Variants in ASS1 observed in about 807,000 individuals in gnomAD.
ASS1 encodes argininosuccinate synthase.
ASS1 carries 58 observed loss-of-function variants against 60.5 expected under a neutral mutation model. That is an observed-to-expected ratio of 0.96 (90% CI 0.78 to 1.19). ASS1 has a LOEUF of 1.19. Ranked by LOEUF, ASS1 falls within the 50% of genes most tolerant of loss-of-function variation. The probability of loss-of-function intolerance (pLI) is 0.00; values close to 1 mark genes in which losing one functional copy is unlikely to be tolerated. For synonymous variants in ASS1, 200 were observed against 206.9 expected (o/e 0.97, Z 0.29); for missense variants, 454 against 547.3 (o/e 0.83, Z 1.70).
At chr9:130,468,057 G>A (rs571485974) in intron 6 of ASS1, among the ~76,000 whole-genome samples, 3 of 152,232 alleles carry the variant, frequency 2.0e-5, no homozygotes, top group South Asian at 2.1e-4. Flanking sequence ...TGGCCCCCTC[G>A]GCCACCTACC....
chr9:130,480,474 G>T (rs755075253), intron 11 of ASS1, 25 bp downstream of exon 11: 2 of 1,612,590 alleles, frequency 1.2e-6, no homozygotes, highest in Admixed American at 1.7e-5. Context: ...CCTCCCTCAG[G>T]GCCTGCCTCG....
At chr9:130,448,175 C>T (rs564242578) in intron 1 of ASS1, among the ~76,000 whole-genome samples, 1 of 152,116 alleles carries the variant, frequency 6.6e-6, no homozygotes, top group East Asian at 1.9e-4. Flanking sequence ...CCTGCGGAGG[C>T]TGAGGGAGGG....
chr9:130,485,537 G>C (rs1277930536), intron 11 of ASS1, among the ~76,000 whole-genome samples: 1 of 152,158 alleles, frequency 6.6e-6, no homozygotes, highest in African/African-American at 2.4e-5. Flanking sequence ...CCGAGCTGAG[G>C]ACAGAAAAGC....
chr9:130,474,067 C>A (rs1242983799), intron 8 of ASS1, among the ~76,000 whole-genome samples: 13 of 121,322 alleles, frequency 1.1e-4, no homozygotes, highest in Admixed American at 2.3e-4. Context: ...CCCGCACCCC[C>A]CCCCCCCCAC....
chr9:130,499,886 G>C (rs991418986), intron 14 of ASS1, among the ~76,000 whole-genome samples: 5 of 152,174 alleles, frequency 3.3e-5, no homozygotes, highest in Non-Finnish European at 7.3e-5. Context: ...CCTTTGCAGG[G>C]CAGGTTAAAC....
At chr9:130,467,278 C>T (rs529661718) in intron 6 of ASS1, among the ~76,000 whole-genome samples, 5 of 152,198 alleles carry the variant, frequency 3.3e-5, no homozygotes, top group East Asian at 1.9e-4. Context: ...AAGGGACAGT[C>T]GCAGACAAAG....
At chr9:130,486,939 T>C (rs1846317095) in intron 11 of ASS1, among the ~76,000 whole-genome samples, 1 of 152,224 alleles carries the variant, frequency 6.6e-6, no homozygotes, top group Admixed American at 6.5e-5. Flanking sequence ...AGTTGATCAC[T>C]TTGCCAAAGG....
Position 130,489,182 on chromosome 9 carries a change from G to A in ASS1, c.839-151G>A. ...AACATAATGACAGATGCATTTTGCA[G>A]CAAGCTGGGAGTGAATGGGTCCGGC... On this transcript the variant is annotated intron_variant, in intron 11 of 14. Coordinates refer to ENST00000352480, the MANE Select transcript of ASS1 (RefSeq NM_054012.4). The surrounding 1 kb of genome is among the most constrained non-coding windows in gnomAD (Gnocchi z 4.1). 1 of 1,047,544 alleles carries A rather than the reference G, an allele frequency of 9.5e-7. No homozygotes were observed. The highest frequency in any genetic ancestry group is 1.4e-6 in the Non-Finnish European group (1 of 722,224). 64.9% of individuals were successfully genotyped at this position (1,047,544 alleles called of 1,614,324 possible). A position where few individuals can be genotyped will look rare whatever the true frequency, so the allele number is the denominator to read the frequency against.
At position 130,488,836 on chromosome 9, in the gene ASS1, A is replaced by G. The variant is rs1024613170; in HGVS notation, c.839-497A>G. Among the ~76,000 whole-genome samples, 2 of 152,172 alleles carry G rather than the reference A, an allele frequency of 1.3e-5. No homozygotes were observed. The highest frequency in any genetic ancestry group is 4.8e-5 in the African/African-American group (2 of 41,440). On this transcript the variant is annotated intron_variant, in intron 11 of 14. Coordinates refer to ENST00000352480, the MANE Select transcript of ASS1 (RefSeq NM_054012.4). This position sits in a 1 kb window ranked among gnomAD's most constrained non-coding sequence, Gnocchi z 5.2. ...GATTGCCCAAGCCCTCTGCCACCCC[A>G]GTGGCCTCTGGAGAGACCTGGCCGC...
rs1433075371 is a variant in ASS1, at chr9:130,489,372, C to T, written c.878C>T (p.Ala293Val). The change falls in exon 12 of 15, where the codon GCT becomes GTT. Residue 293 changes from alanine to valine, a missense_variant. Ala to Val is a moderately conservative substitution (Grantham distance 64, BLOSUM62 0). Transcript: ENST00000352480. This position sits in a 1 kb window ranked among gnomAD's most constrained non-coding sequence, Gnocchi z 4.1. ...CCAGCAGGCACCATCCTTTACCATG[C>T]TCATTTAGACATCGAGGCCTTCACC... Reference protein sequence around the residue: ...ETPAGTILYHAHLDIEAFTMD... With the variant: ...ETPAGTILYHVHLDIEAFTMD... 1.9e-6 allele frequency: 3 copies of T among 1,613,874 alleles called. No homozygotes were observed. Among genetic ancestry groups the T allele is most frequent in the Middle Eastern group, 1.6e-4 (1 of 6,084 alleles).
intron 4 of ASS1, among the ~76,000 whole-genome samples, chr9:130,460,217 G>C (rs1454917434): frequency 6.6e-6 from 1 of 152,214 alleles, no homozygotes; most frequent in Non-Finnish European, 1.5e-5. Context: ...CAGCTAAGAT[G>C]ATGATGGAGG....
At chr9:130,487,403 T>G (rs1037199764) in intron 11 of ASS1, among the ~76,000 whole-genome samples, 2 of 149,940 alleles carry the variant, frequency 1.3e-5, no homozygotes, top group African/African-American at 4.9e-5. Context: ...CTTCATGGTT[T>G]TTTTTTTTTT....
Position 130,478,730 on chromosome 9 carries a change from G to C in ASS1, c.689-986G>C, listed in dbSNP as rs377250303. ...AGAGAAAGGGAGAGAGGAGAGGCGG[G>C]GGGTGGTGAGAGGGGCTTAAGGTTC... is the stretch of plus-strand genomic sequence containing the variant. On this transcript the variant is annotated intron_variant, in intron 9 of 14. Coordinates refer to ENST00000352480, the MANE Select transcript of ASS1 (RefSeq NM_054012.4). The surrounding 1 kb of genome is among the most constrained non-coding windows in gnomAD (Gnocchi z 4.7). Among the ~76,000 whole-genome samples the C allele has an allele frequency of 3.3e-5, 5 of 152,314 alleles. No homozygotes were observed. The South Asian group carries it at 6.2e-4, about 19-fold the overall frequency.
At chr9:130,460,847 T>C (rs1286992334) in intron 4 of ASS1, among the ~76,000 whole-genome samples, 1 of 152,052 alleles carries the variant, frequency 6.6e-6, no homozygotes, top group Non-Finnish European at 1.5e-5. Context: ...CCTTGGTTTT[T>C]ACTGTCACTC....
intron 13 of ASS1, among the ~76,000 whole-genome samples, chr9:130,497,340 G>C (rs1454217268): frequency 1.3e-5 from 2 of 152,202 alleles, no homozygotes; most frequent in Non-Finnish European, 2.9e-5. Flanking sequence ...CAGCGTCACA[G>C]GGACCAGCGA....
Position 130,479,745 on chromosome 9 carries a change from G to A in ASS1, c.718G>A (p.Asp240Asn). The change falls in exon 10 of 15, where the codon GAT (aspartate) becomes AAT (asparagine). Residue 240 changes from aspartate (D) to asparagine (N), a missense_variant. Transcript: ENST00000352480. ...CCCTGTGAAGGTGACCAACGTCAAG[G>A]ATGGCACCACCCACCAGACCTCCTT... ...GVPVKVTNVK[D>N]GTTHQTSLEL... 2 of 1,614,186 alleles carry A rather than the reference G, an allele frequency of 1.2e-6. No homozygotes were observed. Among genetic ancestry groups the A allele is most frequent in the South Asian group, 2.2e-5 (2 of 91,090 alleles).
At chr9:130,450,906 A>G (rs1433355438) in intron 1 of ASS1, among the ~76,000 whole-genome samples, 1 of 152,222 alleles carries the variant, frequency 6.6e-6, no homozygotes, top group Non-Finnish European at 1.5e-5. Context: ...AAACGTTCCC[A>G]GGCAGAACAA....
intron 1 of ASS1, chr9:130,450,212 T>G: frequency 1.0e-6 from 1 of 958,172 alleles, no homozygotes; most frequent in Non-Finnish European, 1.2e-6. Context: ...AAAGTAAGGT[T>G]TAGGGCCTCT....
intron 11 of ASS1, 117 bp downstream of exon 11, chr9:130,480,566 A>G (rs1356976841): frequency 1.8e-6 from 2 of 1,081,834 alleles, no homozygotes; most frequent in Non-Finnish European, 2.7e-6. Context: ...GACCTTGGGC[A>G]CGTCCTTTCA....
Sources: gnomAD v4.1 joint callset for allele counts (sites outside exome capture counted in the v4.1 genomes callset) on GRCh38, gnomAD v4.1.1 for gene constraint, Gnocchi (gnomAD v3.1) non-coding constraint, MANE v1.5 for transcripts, NCBI Gene and HGNC (gene_info 2026-07-23, HGNC 2026-07-21) for gene names.